Variants in B3GALT1 observed in about 807,000 individuals in gnomAD.
B3GALT1 encodes the protein beta-1,3-galactosyltransferase 1.
In B3GALT1, 10 loss-of-function variants were observed where a neutral mutation model predicts 23.2. The observed-to-expected ratio is 0.43, with a 90% confidence interval of 0.27 to 0.73. B3GALT1 has a LOEUF of 0.73. B3GALT1 is among the 30% of genes least tolerant of loss of function. The pLI is 0.21. For synonymous variants in B3GALT1, 156 were observed against 141.5 expected (o/e 1.10, Z -0.73); for missense variants, 299 against 405.4 (o/e 0.74, Z 2.25).
chr2:167,310,901 A>G (rs1170834343), intron 1 of B3GALT1, among the ~76,000 whole-genome samples: 1 of 152,000 alleles, frequency 6.6e-6, no homozygotes, highest in Non-Finnish European at 1.5e-5. Flanking sequence ...AATGTCTCAC[A>G]TTTGATTCAA....
chr2:167,756,039 G>A (rs1218930500), intron 3 of B3GALT1, among the ~76,000 whole-genome samples: 1 of 152,088 alleles, frequency 6.6e-6, no homozygotes, highest in Non-Finnish European at 1.5e-5. Context: ...CTGTTGAAAT[G>A]GGAGGCAGTG....
In B3GALT1 at chr2:167,354,539, G is replaced by A. The variant is rs13386551; in HGVS notation, c.-511+61205G>A. On this transcript the variant is annotated intron_variant, in intron 1 of 4. Transcript: ENST00000392690. ...TTTTTGTACTTTTAGTAGAGATGGG[G>A]TTTCACCATGTTGGCCAGGATGGTC... is the stretch of plus-strand genomic sequence containing the variant. Among the ~76,000 whole-genome samples, 36 of 152,052 alleles carry A rather than the reference G, an allele frequency of 2.4e-4. 1 individual carries two copies. The highest frequency in any genetic ancestry group is 8.2e-4 in the African/African-American group (34 of 41,482).
At chr2:167,826,773 A>C (rs1689238176) in intron 4 of B3GALT1, among the ~76,000 whole-genome samples, 1 of 152,232 alleles carries the variant, frequency 6.6e-6, no homozygotes, top group Admixed American at 6.5e-5. Flanking sequence ...ACAATAAAAG[A>C]TAATATAAGT....
At chr2:167,385,018 C>T (rs183578244) in intron 1 of B3GALT1, among the ~76,000 whole-genome samples, 14 of 151,910 alleles carry the variant, frequency 9.2e-5, no homozygotes, top group South Asian at 6.2e-4. Flanking sequence ...AGTATTGTGC[C>T]GAGAATCAGT....
At chr2:167,683,850 T>A (rs936794303) in intron 3 of B3GALT1, among the ~76,000 whole-genome samples, 6 of 152,220 alleles carry the variant, frequency 3.9e-5, no homozygotes, top group Non-Finnish European at 7.3e-5. Flanking sequence ...AGAATAAGCA[T>A]AACTGTTATT....
intron 1 of B3GALT1, among the ~76,000 whole-genome samples, chr2:167,369,184 A>G (rs879918652): frequency 6.6e-6 from 1 of 151,942 alleles, no homozygotes; most frequent in Admixed American, 6.6e-5. Context: ...AGCTTTGCAC[A>G]TATAAAATAT....
intron 4 of B3GALT1, among the ~76,000 whole-genome samples, chr2:167,822,819 G>T (rs529181589): frequency 1.3e-5 from 2 of 152,078 alleles, no homozygotes; most frequent in Admixed American, 1.3e-4. Context: ...TCCCTTACCC[G>T]AGGGCACTTT....
intron 2 of B3GALT1, among the ~76,000 whole-genome samples, chr2:167,580,540 C>T (rs1374756593): frequency 1.3e-5 from 2 of 152,152 alleles, no homozygotes. Context: ...TCTAACTTCA[C>T]AATGAGACCA....
chr2:167,593,714 G>A (rs973072233), intron 2 of B3GALT1, among the ~76,000 whole-genome samples: 2 of 152,232 alleles, frequency 1.3e-5, no homozygotes, highest in Non-Finnish European at 1.5e-5. Flanking sequence ...TGAGGTGGGT[G>A]AGGAACAAGG....
At chr2:167,367,191 A>C (rs1697602336) in intron 1 of B3GALT1, among the ~76,000 whole-genome samples, 1 of 152,228 alleles carries the variant, frequency 6.6e-6, no homozygotes, top group Non-Finnish European at 1.5e-5. Flanking sequence ...TACAAAGATA[A>C]ATTTAAGTTA....
At chr2:167,647,586 G>A (rs555590433) in intron 3 of B3GALT1, among the ~76,000 whole-genome samples, 1 of 152,222 alleles carries the variant, frequency 6.6e-6, no homozygotes, top group South Asian at 2.1e-4. Context: ...TTTCAAATCT[G>A]TATTTTCTGA....
intron 1 of B3GALT1, among the ~76,000 whole-genome samples, chr2:167,450,829 A>G (rs890651244): frequency 3.3e-5 from 5 of 152,154 alleles, no homozygotes; most frequent in African/African-American, 7.2e-5. Flanking sequence ...AGGAACATCA[A>G]TTATTCTTAG....
At chr2:167,787,980 T>C (rs1574262620) in intron 3 of B3GALT1, among the ~76,000 whole-genome samples, 1 of 152,184 alleles carries the variant, frequency 6.6e-6, no homozygotes, top group East Asian at 1.9e-4. Flanking sequence ...GGTAGCCCCA[T>C]TCAGGTTGGA....
intron 2 of B3GALT1, among the ~76,000 whole-genome samples, chr2:167,535,050 A>T (rs898201265): frequency 2.6e-5 from 4 of 152,204 alleles, no homozygotes; most frequent in Admixed American, 6.5e-5. Context: ...CACTTCTAGG[A>T]CCATGATCGA....
At chr2:167,776,436 TA>T (rs1282698086) in intron 3 of B3GALT1, among the ~76,000 whole-genome samples, 2 of 152,312 alleles carry the variant, frequency 1.3e-5, no homozygotes, top group East Asian at 3.9e-4. Context: ...ACGTTTTCTC[TA>T]AAGTATGAAA....
chr2:167,322,301 A>G, intron 1 of B3GALT1, among the ~76,000 whole-genome samples: 1 of 149,248 alleles, frequency 6.7e-6, no homozygotes. Context: ...TGAGTTTCTG[A>G]AAAAAAAAAT....
chr2:167,443,649 C>A (rs1020533685), intron 1 of B3GALT1, among the ~76,000 whole-genome samples: 1 of 152,120 alleles, frequency 6.6e-6, no homozygotes, highest in Non-Finnish European at 1.5e-5. Flanking sequence ...AATGGGAGTT[C>A]ACTCATGATT....
chr2:167,377,927 A>G (rs1465053470), intron 1 of B3GALT1, among the ~76,000 whole-genome samples: 3 of 152,088 alleles, frequency 2.0e-5, no homozygotes, highest in African/African-American at 7.2e-5. Flanking sequence ...TGTGGGCTAT[A>G]TACTTATTTG....
At chr2:167,676,056 G>A (rs776011006) in intron 3 of B3GALT1, among the ~76,000 whole-genome samples, 87 of 152,052 alleles carry the variant, frequency 5.7e-4, no homozygotes, top group Middle Eastern at 3.4e-3. Flanking sequence ...TCCACCCTGT[G>A]TTGGCCCCCT....
Sources: gnomAD v4.1 joint callset for allele counts (sites outside exome capture counted in the v4.1 genomes callset) on GRCh38, gnomAD v4.1.1 for gene constraint, MANE v1.5 for transcripts, NCBI Gene and HGNC (gene_info 2026-07-23, HGNC 2026-07-21) for gene names.